ZNRF1: variants seen among roughly 807,000 people sequenced by gnomAD.
ZNRF1 encodes E3 ubiquitin-protein ligase ZNRF1.
A neutral mutation model predicts 18.4 loss-of-function variants in ZNRF1; 3 were observed. The ratio of observed to expected loss-of-function variants is 0.16; its 90% CI spans 0.07 to 0.42. ZNRF1 has a LOEUF of 0.42. Ranked by LOEUF, ZNRF1 falls within the 10% of genes least tolerant of loss-of-function variation. The probability of loss-of-function intolerance (pLI) is 0.99; values close to 1 mark genes in which losing one functional copy is unlikely to be tolerated. For synonymous variants in ZNRF1, 157 were observed against 144.2 expected (o/e 1.09, Z -0.64); for missense variants, 310 against 329.8 (o/e 0.94, Z 0.47).
At chr16:75,027,631 T>C (rs531037558) in intron 1 of ZNRF1, among the ~76,000 whole-genome samples, 1 of 152,306 alleles carries the variant, frequency 6.6e-6, no homozygotes, top group East Asian at 1.9e-4. Flanking sequence ...TGGTCAGTCA[T>C]TATAATGACT....
chr16:75,060,802 C>T (rs1364624795), intron 1 of ZNRF1, among the ~76,000 whole-genome samples: 9 of 151,974 alleles, frequency 5.9e-5, no homozygotes, highest in South Asian at 2.1e-4. Context: ...TAATCTTGGC[C>T]GCAGCTTTGA....
chr16:75,104,558 G>A, intron 2 of ZNRF1: 1 of 421,076 alleles, frequency 2.4e-6, no homozygotes, highest in South Asian at 2.9e-5. Flanking sequence ...CACATGTTGA[G>A]ATTAATCCCA....
At chr16:75,029,685 C>A (rs538157893) in intron 1 of ZNRF1, among the ~76,000 whole-genome samples, 2 of 151,842 alleles carry the variant, frequency 1.3e-5, no homozygotes, top group African/African-American at 4.8e-5. Context: ...TGGAGAATCG[C>A]TTGAACCTAG....
Position 75,110,323 on chromosome 16 carries a change from T to G in ZNRF1, c.*2623T>G, listed in dbSNP as rs1196166192. The G allele has an allele frequency of 6.6e-6, 1 of 152,354 alleles. No homozygotes were observed. The highest frequency in any genetic ancestry group is 2.4e-5 in the African/African-American group (1 of 41,470). The allele number at this position is 152,354 out of a possible 1,614,324, so 9.4% of individuals were successfully genotyped here. A position where few individuals can be genotyped will look rare whatever the true frequency, so the allele number is the denominator to read the frequency against. On this transcript the variant is annotated 3_prime_UTR_variant, in exon 5 of 5. Coordinates refer to ENST00000335325, the MANE Select transcript of ZNRF1 (RefSeq NM_032268.5). ...CTCCAGAATCCTGTGTTGCCCCTGT[T>G]CTGCCTTTCTGGGATGGGAGAGAAG...
chr16:75,091,389 T>C (rs1054019098), intron 1 of ZNRF1, among the ~76,000 whole-genome samples: 3 of 151,326 alleles, frequency 2.0e-5, no homozygotes, highest in Non-Finnish European at 4.4e-5. Context: ...AAAGAAATAT[T>C]GCAGATGGTT....
At chr16:75,098,814 G>A (rs1354027524) in intron 2 of ZNRF1, among the ~76,000 whole-genome samples, 2 of 152,236 alleles carry the variant, frequency 1.3e-5, no homozygotes, top group African/African-American at 2.4e-5. Flanking sequence ...GGAGCTGCAC[G>A]GGCTTTCCCT....
chr16:75,073,736 C>T (rs2035903335), intron 1 of ZNRF1, among the ~76,000 whole-genome samples: 1 of 152,072 alleles, frequency 6.6e-6, no homozygotes, highest in African/African-American at 2.4e-5. Context: ...CTGCGGGGAC[C>T]TTGCCCGTTC....
intron 1 of ZNRF1, among the ~76,000 whole-genome samples, chr16:75,007,460 TG>T (rs1313363025): frequency 6.6e-6 from 1 of 152,100 alleles, no homozygotes; most frequent in African/African-American, 2.4e-5. Flanking sequence ...AGCTTTCCTC[TG>T]TTGGGAGAAA....
intron 1 of ZNRF1, among the ~76,000 whole-genome samples, chr16:75,015,915 T>G (rs1043731057): frequency 1.4e-5 from 2 of 147,116 alleles, no homozygotes; most frequent in African/African-American, 5.2e-5. Context: ...AATACGCTTT[T>G]CTTTTCTTTT....
chr16:75,021,780 T>TC (rs1241137441), intron 1 of ZNRF1, among the ~76,000 whole-genome samples: 2 of 152,230 alleles, frequency 1.3e-5, no homozygotes, highest in Non-Finnish European at 2.9e-5. Flanking sequence ...AAATTTACTG[T>TC]CATATGTTCC....
intron 1 of ZNRF1, among the ~76,000 whole-genome samples, chr16:75,020,636 G>A (rs2035132723): frequency 6.6e-6 from 1 of 151,814 alleles, no homozygotes; most frequent in South Asian, 2.1e-4. Context: ...CCGCCTCCCA[G>A]GTTCACGCCA....
At chr16:75,085,834 G>A (rs1452276536) in intron 1 of ZNRF1, among the ~76,000 whole-genome samples, 3 of 152,050 alleles carry the variant, frequency 2.0e-5, no homozygotes, top group Non-Finnish European at 4.4e-5. Flanking sequence ...GTGTGTGTGT[G>A]TGTGTGTGTA....
intron 1 of ZNRF1, among the ~76,000 whole-genome samples, chr16:75,081,848 G>T (rs1320018970): frequency 6.6e-6 from 1 of 152,174 alleles, no homozygotes; most frequent in Non-Finnish European, 1.5e-5. Context: ...CTTTAAATAA[G>T]ACATCTCCAA....
At chr16:75,092,165 A>T (rs2036147666) in intron 1 of ZNRF1, among the ~76,000 whole-genome samples, 1 of 152,132 alleles carries the variant, frequency 6.6e-6, no homozygotes. Context: ...AATAACATTT[A>T]AAAATATGTA....
rs904867189 is a variant in ZNRF1, at chr16:74,999,080, G to A, written c.-592G>A. On this transcript the variant is annotated 5_prime_UTR_variant, in exon 1 of 5. Transcript: ENST00000335325. The stretch of plus-strand genomic sequence containing the variant: ...AGCGCAGCCCGGGACCGAGCGGGGC[G>A]GCGCGGCTGGCGGGGCCGGCGGCGG... 1 of 149,418 alleles carries A rather than the reference G, an allele frequency of 6.7e-6. No homozygotes were observed. The highest frequency in any genetic ancestry group is 2.4e-5 in the African/African-American group (1 of 41,114). 9.3% of individuals were successfully genotyped at this position (149,418 alleles called of 1,614,324 possible). A position where few individuals can be genotyped will look rare whatever the true frequency, so the allele number is the denominator to read the frequency against.
At chr16:75,045,601 G>A (rs1365403419) in intron 1 of ZNRF1, among the ~76,000 whole-genome samples, 1 of 152,010 alleles carries the variant, frequency 6.6e-6, no homozygotes, top group Non-Finnish European at 1.5e-5. Flanking sequence ...ACAGGGTCTT[G>A]CTGTGTTGCC....
chr16:75,100,479 C>A, intron 2 of ZNRF1, among the ~76,000 whole-genome samples: 1 of 152,186 alleles, frequency 6.6e-6, no homozygotes, highest in Non-Finnish European at 1.5e-5. Context: ...TATCCTCATA[C>A]CTGCCTCTCC....
chr16:75,009,199 A>G (rs959246117), intron 1 of ZNRF1, among the ~76,000 whole-genome samples: 11 of 152,174 alleles, frequency 7.2e-5, no homozygotes, highest in African/African-American at 2.4e-4. Context: ...TTATAAGTCT[A>G]TGTCTCTGAA....
intron 1 of ZNRF1, among the ~76,000 whole-genome samples, chr16:75,047,231 G>A (rs567101440): frequency 9.9e-5 from 15 of 152,218 alleles, no homozygotes; most frequent in Middle Eastern, 3.4e-3. Context: ...GGTGTGCAGC[G>A]GCATGATCAC....
Sources: allele counts gnomAD v4.1 joint callset (sites outside exome capture counted in the v4.1 genomes callset), GRCh38; gene constraint gnomAD v4.1.1; transcripts MANE v1.5; gene names NCBI Gene and HGNC (gene_info 2026-07-23, HGNC 2026-07-21).